Variants in SLBP observed in about 807,000 individuals in gnomAD.
The protein encoded by SLBP is histone RNA hairpin-binding protein.
Under a neutral mutation model 39.2 loss-of-function variants are expected in SLBP, and 29 were observed. That is an observed-to-expected ratio of 0.74 (90% CI 0.55 to 1.01). The LOEUF is 1.01. Among genes scored for constraint, SLBP ranks in the 50% least tolerant of loss-of-function variants. SLBP has a pLI of 0.00. For missense variants in SLBP, 390 were observed against 350.2 expected (o/e 1.11, Z -0.91); for synonymous variants, 129 against 118.7 (o/e 1.09, Z -0.57).
intron 3 of SLBP, 149 bp downstream of exon 3, chr4:1,703,447 C>G (rs1716404997): frequency 1.6e-6 from 1 of 616,214 alleles, no homozygotes; most frequent in African/African-American, 1.8e-5. Flanking sequence ...GTCTGAGAAT[C>G]TGTATTTCTA....
intron 2 of SLBP, among the ~76,000 whole-genome samples, chr4:1,705,115 C>G (rs1413769421): frequency 6.6e-6 from 1 of 152,072 alleles, no homozygotes; most frequent in Non-Finnish European, 1.5e-5. Context: ...TTAATACAGG[C>G]TGAGTTTCTC....
At chr4:1,706,898 C>T (rs955019215) in intron 2 of SLBP, among the ~76,000 whole-genome samples, 6 of 150,968 alleles carry the variant, frequency 4.0e-5, no homozygotes, top group African/African-American at 7.3e-5. Context: ...TTTGGGAGGC[C>T]GAGGTAGGTA....
chr4:1,705,511 T>C (rs2108662844), intron 2 of SLBP, among the ~76,000 whole-genome samples: 1 of 152,342 alleles, frequency 6.6e-6, no homozygotes, highest in Admixed American at 6.5e-5. Flanking sequence ...TGTCAGATTA[T>C]CATGGGACTG....
chr4:1,694,575 G>T (rs911084627), intron 7 of SLBP, among the ~76,000 whole-genome samples, 199 bp downstream of exon 7: 6 of 150,976 alleles, frequency 4.0e-5, no homozygotes, highest in African/African-American at 4.9e-5. Flanking sequence ...TATTTTTGTA[G>T]AAACAGGGTT....
intron 2 of SLBP, among the ~76,000 whole-genome samples, chr4:1,706,055 C>T (rs1277309736): frequency 6.6e-6 from 1 of 152,106 alleles, no homozygotes; most frequent in Non-Finnish European, 1.5e-5. Flanking sequence ...GACGCCGAGG[C>T]GGGTGGATGA....
chr4:1,694,085 G>A (rs770075465), intron 7 of SLBP, among the ~76,000 whole-genome samples: 5 of 152,102 alleles, frequency 3.3e-5, no homozygotes, highest in Non-Finnish European at 7.4e-5. Context: ...ATTTAAAAAC[G>A]GTTTTCTTTT....
chr4:1,700,913 A>C (rs1716300191), intron 3 of SLBP, among the ~76,000 whole-genome samples: 2 of 151,852 alleles, frequency 1.3e-5, no homozygotes, highest in South Asian at 4.1e-4. Context: ...CCTCCTCTCA[A>C]AATCTAAAAT....
Position 1,711,871 on chromosome 4 carries a change from C to A in SLBP, c.176+3G>T. ...CGCCCCGACCCCCGGGTCCCGCGCC[C>A]ACCTCTCGGGTCTGCGCTCGGCGCC... On this transcript the variant is annotated splice_donor_region_variant and intron_variant, in intron 2 of 7. Coordinates refer to ENST00000489418, the MANE Select transcript of SLBP (RefSeq NM_006527.4). 7.6e-7 allele frequency: 1 copy of A among 1,310,908 alleles called. No homozygotes were observed. The highest frequency in any genetic ancestry group is 9.7e-7 in the Non-Finnish European group (1 of 1,026,998). 81.2% of individuals were successfully genotyped at this position (1,310,908 alleles called of 1,614,324 possible).
chr4:1,701,147 T>TTTC (rs386399045), intron 3 of SLBP, among the ~76,000 whole-genome samples: 2 of 46,644 alleles, frequency 4.3e-5, no homozygotes, highest in Non-Finnish European at 1.2e-4. Flanking sequence ...CTTTTTTTTC[T>TTTC]TTTTTTTTTT....
chr4:1,712,197 G>T lies in SLBP; in HGVS notation c.-9C>A. 1.6e-6 allele frequency: 2 copies of T among 1,244,822 alleles called. No homozygotes were observed. The highest frequency in any genetic ancestry group is 2.0e-6 in the Non-Finnish European group (2 of 998,734). 77.1% of individuals were successfully genotyped at this position (1,244,822 alleles called of 1,614,324 possible). The stretch of plus-strand genomic sequence containing the variant: ...CGCGGGCGGCAGGCCATGGCAGCAC[G>T]GGCCGGGCGCGCAGCGCAGGGCCGA... On this transcript the variant is annotated 5_prime_UTR_variant, in exon 1 of 8. Coordinates refer to ENST00000489418, the MANE Select transcript of SLBP (RefSeq NM_006527.4).
Position 1,699,611 on chromosome 4 carries a change from A to G in SLBP, c.432T>C (p.Tyr144=), listed in dbSNP as rs974614051. The G allele has an allele frequency of 6.2e-7, 1 of 1,613,892 alleles. No individual in the cohort carries two copies. The highest frequency in any genetic ancestry group is 1.1e-5 in the South Asian group (1 of 91,076). The change falls in exon 5 of 8, where the codon TAT becomes TAC. Residue 144 remains tyrosine (Y), a synonymous_variant. Coordinates refer to ENST00000489418, the MANE Select transcript of SLBP (RefSeq NM_006527.4). ...VLMRRQKQIN[Y]GKNTIAYDRY... Reference sequence around the variant, plus strand: ...GATCGTAGGCAATTGTGTTCTTCCCATAGTTGATCTGCTTCTGTCTCCTCA... The same window carrying G: ...GATCGTAGGCAATTGTGTTCTTCCCGTAGTTGATCTGCTTCTGTCTCCTCA...
intron 2 of SLBP, 149 bp downstream of exon 2, chr4:1,711,725 C>CA: frequency 2.4e-6 from 1 of 413,662 alleles, no homozygotes; most frequent in Non-Finnish European, 4.1e-6. Context: ...GCGGCCGCCC[C>CA]AGTCCACGGG....
Position 1,711,946 on chromosome 4 carries a change from G to A in SLBP, c.104C>T (p.Ala35Val), listed in dbSNP as rs996803407. 5.2e-6 allele frequency: 7 copies of A among 1,338,956 alleles called. No individual in the cohort carries two copies. Among genetic ancestry groups the A allele is most frequent in the East Asian group, 6.2e-5 (2 of 32,418 alleles). 82.9% of individuals were successfully genotyped at this position (1,338,956 alleles called of 1,614,324 possible). The stretch of plus-strand genomic sequence containing the variant: ...TTCGGGCCTCCAGCGCCTGCCGTCG[G>A]CTCTGCGCTTCCGTCCCAGGCTCCA... ...ARWSLGRKRR[A>V]DGRRWRPEDA... is the part of the protein sequence containing the mutation. The change falls in exon 2 of 8, where the codon GCC (alanine) becomes GTC (valine). Residue 35 changes from alanine to valine, a missense_variant. Physicochemically the swap from Ala to Val is moderately conservative, Grantham distance 64. Coordinates refer to ENST00000489418, the MANE Select transcript of SLBP (RefSeq NM_006527.4).
At chr4:1,712,065 G>A (rs1448349211) in intron 1 of SLBP, 65 bp downstream of exon 1, 4 of 1,228,874 alleles carry the variant, frequency 3.3e-6, no homozygotes, top group South Asian at 3.5e-5. Flanking sequence ...CCCACACCCC[G>A]GCCCCGCACA....
chr4:1,698,136 C>T (rs538330335), intron 5 of SLBP, among the ~76,000 whole-genome samples: 11 of 151,882 alleles, frequency 7.2e-5, no homozygotes, highest in South Asian at 2.1e-4. Flanking sequence ...CAGAGACAGA[C>T]GGATCACGAG....
At chr4:1,710,461 T>C (rs1285703126) in intron 2 of SLBP, among the ~76,000 whole-genome samples, 1 of 152,238 alleles carries the variant, frequency 6.6e-6, no homozygotes, top group Non-Finnish European at 1.5e-5. Flanking sequence ...CAGGTCTCAA[T>C]TGCTTTAGGA....
chr4:1,706,986 G>A (rs1489281350), intron 2 of SLBP, among the ~76,000 whole-genome samples: 4 of 151,008 alleles, frequency 2.6e-5, no homozygotes, highest in African/African-American at 7.3e-5. Context: ...TTGGGAGGCC[G>A]AGGCGGGTGG....
At chr4:1,704,041 A>C (rs1304423486) in intron 2 of SLBP, among the ~76,000 whole-genome samples, 4 of 152,176 alleles carry the variant, frequency 2.6e-5, no homozygotes, top group Non-Finnish European at 5.9e-5. Context: ...GGGCTGTCTT[A>C]CTAGAGCAGA....
At position 1,703,620 on chromosome 4, in the gene SLBP, G is replaced by A; in HGVS notation, c.257C>T (p.Thr86Ile). 6.2e-7 allele frequency: 1 copy of A among 1,612,644 alleles called. No individual in the cohort carries two copies. The highest frequency in any genetic ancestry group is 1.1e-5 in the South Asian group (1 of 91,050). Reference protein sequence around the residue: ...ASAVEEDEMRTRVNKEMARYK... With the variant: ...ASAVEEDEMRIRVNKEMARYK... The stretch of plus-strand genomic sequence containing the variant: ...CCTTGCCATTTCTTTGTTAACTCTG[G>A]TCCTCATTTCATCTTCTTCAACTGC... Residue 86 changes from threonine (T) to isoleucine (I), a missense_variant, in exon 3 of 8, where the codon ACC (threonine) becomes ATC (isoleucine). Physicochemically the swap from Thr to Ile is moderately conservative, Grantham distance 89. Coordinates refer to ENST00000489418, the MANE Select transcript of SLBP (RefSeq NM_006527.4).
Sources: gnomAD v4.1 joint callset for allele counts (sites outside exome capture counted in the v4.1 genomes callset) on GRCh38, gnomAD v4.1.1 for gene constraint, MANE v1.5 for transcripts, NCBI Gene and HGNC (gene_info 2026-07-23, HGNC 2026-07-21) for gene names.